The following THSD7A variants were observed in gnomAD, a reference collection of about 807,000 sequenced individuals.
THSD7A encodes the protein thrombospondin type 1 domain containing 7A, also known as thrombospondin type-1 domain-containing protein 7A.
A neutral mutation model predicts 231.3 loss-of-function variants in THSD7A; 96 were observed. The observed-to-expected ratio is 0.41, with a 90% CI of 0.35 to 0.49. THSD7A has a LOEUF of 0.49. Among genes scored for constraint, THSD7A ranks in the 20% least tolerant of loss-of-function variants. THSD7A has a pLI of 0.05. For synonymous variants in THSD7A, 940 were observed against 743.3 expected, an observed-to-expected ratio of 1.26 and a Z score of -4.30; for missense variants, 2,290 against 2,070.2, an observed-to-expected ratio of 1.11 and a Z score of -2.06.
intron 1 of THSD7A, among the ~76,000 whole-genome samples, chr7:11,796,033 CAT>C (rs6149988): frequency 0.046 from 4,811 of 104,146 alleles, 59 homozygotes; most frequent in Non-Finnish European, 0.058. Context: ...TTAAATTAGC[CAT>C]ATATATATAT....
intron 1 of THSD7A, among the ~76,000 whole-genome samples, chr7:11,750,338 G>C (rs1261364693): frequency 6.6e-6 from 1 of 151,910 alleles, no homozygotes; most frequent in Non-Finnish European, 1.5e-5. Context: ...GACGGTATCA[G>C]TAACATTATT....
intron 1 of THSD7A, among the ~76,000 whole-genome samples, chr7:11,822,203 TC>T (rs768216330): frequency 8.5e-5 from 13 of 152,102 alleles, no homozygotes; most frequent in Non-Finnish European, 1.6e-4. Context: ...TCCTCTCCCC[TC>T]CTAACCTTCC....
intron 4 of THSD7A, among the ~76,000 whole-genome samples, chr7:11,585,674 G>A (rs1156692707): frequency 6.6e-6 from 1 of 152,078 alleles, no homozygotes; most frequent in African/African-American, 2.4e-5. Flanking sequence ...TTCCAGTCTG[G>A]GGTCGTGGGT....
chr7:11,521,966 A>G (rs1230363619), intron 6 of THSD7A, among the ~76,000 whole-genome samples: 1 of 152,148 alleles, frequency 6.6e-6, no homozygotes, highest in Non-Finnish European at 1.5e-5. Context: ...AAAGGGTTTT[A>G]TAAACTGTTC....
rs140794633 is a variant in THSD7A, at chr7:11,589,600, T to C, written c.1453+860A>G. Among the ~76,000 whole-genome samples the C allele has an allele frequency of 2.6e-5, 4 of 152,296 alleles. No homozygotes were observed. In the East Asian group the frequency reaches 7.7e-4, roughly 29 times the overall value. Reference sequence around the variant, plus strand: ...GAGGACTTCCATGACATGCAATCTGTATTGGTATTTCTATCCTCACTCTCT... The same window carrying C: ...GAGGACTTCCATGACATGCAATCTGCATTGGTATTTCTATCCTCACTCTCT... On this transcript the variant is annotated intron_variant, in intron 4 of 27. Transcript: ENST00000423059.
intron 1 of THSD7A, among the ~76,000 whole-genome samples, chr7:11,780,442 G>A (rs190685703): frequency 1.1e-3 from 160 of 152,158 alleles, no homozygotes; most frequent in Non-Finnish European, 1.6e-3. Context: ...TGTGGTAGAC[G>A]CCAGCTGTGA....
rs1400917678 is a variant in THSD7A at position 11,424,791 on chromosome 7, C to A, written c.3288G>T (p.Gln1096His). 6.8e-6 allele frequency: 11 copies of A among 1,613,958 alleles called. No individual in the cohort carries two copies. Among genetic ancestry groups the A allele is most frequent in the Middle Eastern group, 1.6e-4 (1 of 6,062 alleles). Reference protein sequence around the residue: ...EVVPCHSDCNQYLWVTEPWSI... With the variant: ...EVVPCHSDCNHYLWVTEPWSI... ...TCCAGGGCTCTGTGACCCATAGGTA[C>A]TGGTTGCAGTCACTGTGGCATGGGA... The change falls in exon 16 of 28, where the codon CAG (glutamine) becomes CAT (histidine). Residue 1096 changes from glutamine (Q) to histidine (H), a missense_variant. Gln to His is a conservative substitution (Grantham distance 24, BLOSUM62 0). Transcript: ENST00000423059.
chr7:11,404,706 T>C, intron 22 of THSD7A, among the ~76,000 whole-genome samples: 1 of 152,240 alleles, frequency 6.6e-6, no homozygotes, highest in African/African-American at 2.4e-5. Flanking sequence ...AGCAACACTT[T>C]GCCTGGCTTT....
At position 11,379,200 on chromosome 7, in the gene THSD7A, G is replaced by A. The variant is rs760441064; in HGVS notation, c.4671C>T (p.Pro1557=). The A allele has an allele frequency of 3.3e-5, 54 of 1,613,636 alleles. No individual in the cohort carries two copies. In the Middle Eastern group the frequency reaches 6.6e-4, roughly 20 times the overall value. ...NSTLEQCTLI[P]VVVLPTMEDK... ...CCTCCATGGTGGGTAATACCACCACGGGGATAAGTGTGCATTGCTCAAGGG... is the reference window on the plus strand; with the variant it reads ...CCTCCATGGTGGGTAATACCACCACAGGGATAAGTGTGCATTGCTCAAGGG... Residue 1557 remains proline, a synonymous_variant, in exon 26 of 28, where the codon CCC becomes CCT. Transcript: ENST00000423059.
At chr7:11,412,948 C>T in intron 17 of THSD7A, 148 bp from the exon 18 acceptor site, 8 of 807,680 alleles carry the variant, frequency 9.9e-6, no homozygotes, top group Non-Finnish European at 1.5e-5. Flanking sequence ...CTCAGTTGTT[C>T]AATGTATAAA....
chr7:11,546,319 T>C (rs1789397510), intron 4 of THSD7A, among the ~76,000 whole-genome samples: 1 of 152,122 alleles, frequency 6.6e-6, no homozygotes, highest in African/African-American at 2.4e-5. Context: ...GTAGTGCTTT[T>C]GCCAGCACCC....
chr7:11,495,694 G>C (rs147955559), intron 6 of THSD7A, among the ~76,000 whole-genome samples: 67 of 152,240 alleles, frequency 4.4e-4, no homozygotes, highest in African/African-American at 1.5e-3. Context: ...ACATATTAAA[G>C]ATGGAATAGA....
At chr7:11,812,105 TTGTGTGTGTGTG>T (rs34130500) in intron 1 of THSD7A, among the ~76,000 whole-genome samples, 2 of 133,558 alleles carry the variant, frequency 1.5e-5, no homozygotes, top group Non-Finnish European at 3.1e-5. Flanking sequence ...GAAAAGAAAA[TTGTGTGTGTGTG>T]TGTGTGTGTG....
intron 26 of THSD7A, chr7:11,378,733 T>C (rs1384421811): frequency 7.1e-6 from 2 of 283,472 alleles, no homozygotes; most frequent in African/African-American, 4.4e-5. Context: ...TTTATCCTAG[T>C]TCTGAATGAC....
intron 2 of THSD7A, among the ~76,000 whole-genome samples, chr7:11,607,370 A>G (rs1026665051): frequency 9.2e-5 from 14 of 152,132 alleles, no homozygotes; most frequent in African/African-American, 3.4e-4. Context: ...CTTGAATTAC[A>G]TGACCCTGAG....
intron 19 of THSD7A, 141 bp from the exon 20 acceptor site, chr7:11,407,564 C>CAAACT: frequency 1.5e-6 from 1 of 647,224 alleles, no homozygotes; most frequent in Admixed American, 2.8e-5. Flanking sequence ...GACAAACATC[C>CAAACT]AAACTATTGA....
chr7:11,772,638 T>C (rs1337009501), intron 1 of THSD7A, among the ~76,000 whole-genome samples: 2 of 152,204 alleles, frequency 1.3e-5, no homozygotes, highest in South Asian at 2.1e-4. Flanking sequence ...TGTGCATTCT[T>C]ACTTAAAAAT....
chr7:11,728,763 G>C (rs1238999401), intron 1 of THSD7A, among the ~76,000 whole-genome samples: 2 of 151,706 alleles, frequency 1.3e-5, no homozygotes, highest in African/African-American at 4.8e-5. Flanking sequence ...GTATCAACTT[G>C]TATACTAAAT....
chr7:11,446,353 A>C lies in THSD7A; in HGVS notation c.2801-29T>G, dbSNP rs759950221. 6.3e-7 allele frequency: 1 copy of C among 1,592,358 alleles called. No individual in the cohort carries two copies. Among genetic ancestry groups the C allele is most frequent in the Non-Finnish European group, 8.6e-7 (1 of 1,168,944 alleles). On this transcript the variant is annotated intron_variant, in intron 12 of 27. Transcript: ENST00000423059. The surrounding 1 kb of genome is among the most constrained non-coding windows in gnomAD (Gnocchi z 4.0). ...TGGAAGAGAAACAATCAGGCAATTT[A>C]AGTTGGAAAATACCATCATTAATTT...
Sources: allele counts gnomAD v4.1 joint callset (sites outside exome capture counted in the v4.1 genomes callset), GRCh38; gene constraint gnomAD v4.1.1; non-coding constraint Gnocchi (gnomAD v3.1); transcripts MANE v1.5; gene names NCBI Gene and HGNC (gene_info 2026-07-23, HGNC 2026-07-21).